Variants in AJAP1 observed in about 807,000 individuals in gnomAD.
AJAP1 encodes adherens junctions associated protein 1.
A neutral mutation model predicts 35.0 loss-of-function variants in AJAP1; 5 were observed. The ratio of observed to expected loss-of-function variants is 0.14; its 90% CI spans 0.07 to 0.30. The LOEUF (loss-of-function observed/expected upper bound fraction) is 0.30, where lower values mean the gene tolerates loss of function less well. AJAP1 is among the 10% of genes least tolerant of loss of function. AJAP1 has a pLI of 1.00. For missense variants in AJAP1, 586 were observed against 571.0 expected (o/e 1.03, Z -0.27); for synonymous variants, 284 against 249.3 (o/e 1.14, Z -1.31).
chr1:4,747,038 G>A (rs981993324), intron 2 of AJAP1, among the ~76,000 whole-genome samples: 6 of 152,224 alleles, frequency 3.9e-5, no homozygotes, highest in Non-Finnish European at 7.3e-5. Context: ...GAGGTCACCT[G>A]TGGGAGAACG....
At chr1:4,699,465 G>A (rs1320218304) in intron 1 of AJAP1, among the ~76,000 whole-genome samples, 3 of 152,186 alleles carry the variant, frequency 2.0e-5, no homozygotes, top group African/African-American at 7.2e-5. Flanking sequence ...AAGACAGAGG[G>A]GCTGCAGTGA....
At chr1:4,746,094 A>G (rs1641180993) in intron 2 of AJAP1, among the ~76,000 whole-genome samples, 2 of 152,212 alleles carry the variant, frequency 1.3e-5, no homozygotes, top group Admixed American at 1.3e-4. Context: ...TCTGAAAGAA[A>G]GGTGTCCTAG....
chr1:4,728,774 C>T (rs1640730512), intron 2 of AJAP1, among the ~76,000 whole-genome samples: 1 of 152,252 alleles, frequency 6.6e-6, no homozygotes, highest in African/African-American at 2.4e-5. Context: ...GAGGACACTG[C>T]ACTGGCTTTT....
intron 1 of AJAP1, among the ~76,000 whole-genome samples, chr1:4,694,649 T>G (rs1639818100): frequency 6.6e-6 from 1 of 152,148 alleles, no homozygotes; most frequent in Non-Finnish European, 1.5e-5. Context: ...GGTCTCCCCT[T>G]GGTGGGCAGG....
At chr1:4,770,196 G>T (rs936533675) in intron 3 of AJAP1, among the ~76,000 whole-genome samples, 1 of 152,164 alleles carries the variant, frequency 6.6e-6, no homozygotes, top group African/African-American at 2.4e-5. Context: ...CTGGGTTCCA[G>T]ATTCTTTCTC....
chr1:4,741,851 G>GAATGA (rs1641075218), intron 2 of AJAP1, among the ~76,000 whole-genome samples: 2 of 152,190 alleles, frequency 1.3e-5, no homozygotes, highest in Non-Finnish European at 2.9e-5. Flanking sequence ...AGTACTCACG[G>GAATGA]AATGATGGGC....
chr1:4,777,002 A>T (rs1235908154), intron 5 of AJAP1, among the ~76,000 whole-genome samples: 2 of 152,202 alleles, frequency 1.3e-5, no homozygotes, highest in Non-Finnish European at 2.9e-5. Flanking sequence ...GGCTATGCAC[A>T]CAGCCTCGTT....
At chr1:4,728,593 C>T (rs1188425698) in intron 2 of AJAP1, among the ~76,000 whole-genome samples, 3 of 152,174 alleles carry the variant, frequency 2.0e-5, no homozygotes, top group Non-Finnish European at 2.9e-5. Context: ...TGGGCTGTGT[C>T]CGTGGGAGCA....
At chr1:4,745,971 GA>G (rs1238394427) in intron 2 of AJAP1, among the ~76,000 whole-genome samples, 1 of 152,216 alleles carries the variant, frequency 6.6e-6, no homozygotes, top group Non-Finnish European at 1.5e-5. Flanking sequence ...TTTGCAAAAT[GA>G]AAACAGTGAA....
At chr1:4,661,502 G>A (rs1384206041) in intron 1 of AJAP1, among the ~76,000 whole-genome samples, 1 of 152,242 alleles carries the variant, frequency 6.6e-6, no homozygotes, top group East Asian at 1.9e-4. Flanking sequence ...GCTCATGGGA[G>A]AGGTGGGATT....
At chr1:4,688,894 T>G (rs1639669278) in intron 1 of AJAP1, among the ~76,000 whole-genome samples, 1 of 152,120 alleles carries the variant, frequency 6.6e-6, no homozygotes, top group South Asian at 2.1e-4. Flanking sequence ...CTGAGCCCAT[T>G]ATCTCCCTTC....
chr1:4,780,046 A>G (rs1473247671), intron 5 of AJAP1, among the ~76,000 whole-genome samples: 1 of 145,356 alleles, frequency 6.9e-6, no homozygotes, highest in Non-Finnish European at 1.5e-5. Flanking sequence ...AGGGAGGCTG[A>G]GGCAGGAGAA....
Position 4,723,888 on chromosome 1 carries a change from G to T in AJAP1, c.829+11189G>T, listed in dbSNP as rs533760004. Among the ~76,000 whole-genome samples the T allele has an allele frequency of 6.6e-6, 1 of 152,134 alleles. No individual in the cohort carries two copies. The highest frequency in any genetic ancestry group is 1.9e-4 in the East Asian group (1 of 5,180). ...GACAATGTGGCAGGGACGGAGGAACGGGGACAATACAGAAGCCAAGTCCTT... is the reference window on the plus strand; with the variant it reads ...GACAATGTGGCAGGGACGGAGGAACTGGGACAATACAGAAGCCAAGTCCTT... On this transcript the variant is annotated intron_variant, in intron 2 of 5. Coordinates refer to ENST00000378191, the MANE Select transcript of AJAP1 (RefSeq NM_018836.4). The surrounding 1 kb of genome is among the most constrained non-coding windows in gnomAD (Gnocchi z 4.3).
At chr1:4,689,302 G>T (rs1373914175) in intron 1 of AJAP1, among the ~76,000 whole-genome samples, 1 of 152,220 alleles carries the variant, frequency 6.6e-6, no homozygotes, top group Non-Finnish European at 1.5e-5. Context: ...CTTGCCAAAG[G>T]GTTGCCCGAT....
chr1:4,671,332 G>A (rs1639243174), intron 1 of AJAP1, among the ~76,000 whole-genome samples: 1 of 150,214 alleles, frequency 6.7e-6, no homozygotes, highest in African/African-American at 2.5e-5. Flanking sequence ...TTGCGCCACT[G>A]CACTCCAGCC....
rs1642156526 is a variant in AJAP1, at chr1:4,786,040, C to T, written c.*3555C>T. ...ATATGCGTGTCATTGCTCTTGTTTC[C>T]GAGTTTGGCGTGAGAAAGGCAGGGT... On this transcript the variant is annotated 3_prime_UTR_variant, in exon 6 of 6. Coordinates refer to ENST00000378191, the MANE Select transcript of AJAP1 (RefSeq NM_018836.4). 6.6e-6 allele frequency: 1 copy of T among 152,150 alleles called. No homozygotes were observed. Among genetic ancestry groups the T allele is most frequent in the Non-Finnish European group, 1.5e-5 (1 of 68,052 alleles). The allele number at this position is 152,150 out of a possible 1,614,324, so 9.4% of individuals were successfully genotyped here. A position where few individuals can be genotyped will look rare whatever the true frequency, so the allele number is the denominator to read the frequency against.
At chr1:4,714,155 A>T (rs896533127) in intron 2 of AJAP1, among the ~76,000 whole-genome samples, 3 of 152,170 alleles carry the variant, frequency 2.0e-5, no homozygotes, top group African/African-American at 7.2e-5. Context: ...TCTCTATGGA[A>T]GCACAGCCTG....
rs373393328 is a variant in AJAP1, at chr1:4,772,321, G to A, written c.959G>A (p.Arg320Gln). 38 of 1,614,032 alleles carry A rather than the reference G, an allele frequency of 2.4e-5. No homozygotes were observed. The highest frequency in any genetic ancestry group is 3.1e-5 in the Non-Finnish European group (37 of 1,180,024). The change falls in exon 4 of 6, where the codon CGG becomes CAG. Residue 320 changes from arginine to glutamine, a missense_variant. By Grantham distance (43) the Arg-to-Gln change is conservative (BLOSUM62 1). Coordinates refer to ENST00000378191, the MANE Select transcript of AJAP1 (RefSeq NM_018836.4). ...SGNTRRNSHQ[R>Q]KTNQQEESCQ... ...AACACTCGTCGGAACAGCCACCAGC[G>A]GAAGACCAACCAGCAGGAGGAGAGC...
chr1:4,780,573 G>A (rs1389416289), intron 5 of AJAP1, among the ~76,000 whole-genome samples: 1 of 151,598 alleles, frequency 6.6e-6, no homozygotes, highest in Non-Finnish European at 1.5e-5. Context: ...GTGATCTGGC[G>A]CTAACCCAAA....
Sources: gnomAD v4.1 joint callset for allele counts (sites outside exome capture counted in the v4.1 genomes callset) on GRCh38, gnomAD v4.1.1 for gene constraint, Gnocchi (gnomAD v3.1) non-coding constraint, MANE v1.5 for transcripts, NCBI Gene and HGNC (gene_info 2026-07-23, HGNC 2026-07-21) for gene names.